Variants in CDKAL1 observed in about 807,000 individuals in gnomAD.
CDKAL1 encodes the protein threonylcarbamoyladenosine tRNA methylthiotransferase.
CDKAL1 carries 32 observed loss-of-function variants against 68.2 expected under a neutral mutation model. The observed-to-expected ratio is 0.47, with a 90% confidence interval of 0.35 to 0.63. CDKAL1 has a LOEUF of 0.63. CDKAL1 is among the 30% of genes least tolerant of loss of function. The pLI is 0.00. For missense variants in CDKAL1, 606 were observed against 696.7 expected, an observed-to-expected ratio of 0.87 and a Z score of 1.47; for synonymous variants, 234 against 244.3, an observed-to-expected ratio of 0.96 and a Z score of 0.39.
intron 9 of CDKAL1, among the ~76,000 whole-genome samples, chr6:20,862,636 TGTGTGTG>T (rs1759694926): frequency 1.1e-4 from 1 of 9,476 alleles, no homozygotes; most frequent in African/African-American, 1.7e-4. Flanking sequence ...CTTTCCAACT[TGTGTGTG>T]TGTGTGTGTG....
intron 12 of CDKAL1, among the ~76,000 whole-genome samples, chr6:21,071,140 T>C (rs960583409): frequency 1.3e-5 from 2 of 152,378 alleles, no homozygotes; most frequent in Admixed American, 6.5e-5. Flanking sequence ...TTTTCCTTTA[T>C]AGTTTTTAAA....
At chr6:21,048,456 A>G (rs1023421753) in intron 11 of CDKAL1, among the ~76,000 whole-genome samples, 8 of 152,142 alleles carry the variant, frequency 5.3e-5, no homozygotes, top group Admixed American at 3.3e-4. Flanking sequence ...TAGTCCATAA[A>G]TATAGCTTCC....
In CDKAL1 at chr6:21,229,778, G is replaced by A. The variant is rs986776017; in HGVS notation, c.1549-1070G>A. Reference sequence around the variant, plus strand: ...GTCCCATGTTATTGGGGGAGGCACCGATTCTGAAGCAGGTACACGAGGTGA... The same window carrying A: ...GTCCCATGTTATTGGGGGAGGCACCAATTCTGAAGCAGGTACACGAGGTGA... On this transcript the variant is annotated intron_variant, in intron 15 of 15. Coordinates refer to ENST00000274695, the MANE Select transcript of CDKAL1 (RefSeq NM_017774.3). 6.6e-5 allele frequency among the ~76,000 whole-genome samples: 10 copies of A among 152,128 alleles called. 1 individual carries two copies. The highest frequency in any genetic ancestry group is 5.2e-4 in the Admixed American group (8 of 15,274).
At chr6:20,910,672 T>C (rs1481311729) in intron 9 of CDKAL1, among the ~76,000 whole-genome samples, 1 of 152,184 alleles carries the variant, frequency 6.6e-6, no homozygotes, top group African/African-American at 2.4e-5. Context: ...CACCCCAAAA[T>C]ACATATTTTG....
chr6:20,709,452 A>G (rs911140294), intron 5 of CDKAL1, among the ~76,000 whole-genome samples: 1 of 151,480 alleles, frequency 6.6e-6, no homozygotes, highest in Non-Finnish European at 1.5e-5. Context: ...TAGGGATGCA[A>G]AAAAAAAATT....
intron 9 of CDKAL1, among the ~76,000 whole-genome samples, chr6:20,942,201 A>G (rs1033259486): frequency 2.0e-5 from 3 of 152,154 alleles, no homozygotes; most frequent in African/African-American, 4.8e-5. Context: ...TTAGCTTATC[A>G]CAATCTACGT....
At chr6:20,854,831 G>A (rs1298571526) in intron 9 of CDKAL1, among the ~76,000 whole-genome samples, 1 of 152,152 alleles carries the variant, frequency 6.6e-6, no homozygotes, top group Non-Finnish European at 1.5e-5. Context: ...ATGCAGTTAA[G>A]TATAAAAGTT....
At chr6:21,220,126 T>C (rs1348889340) in intron 15 of CDKAL1, among the ~76,000 whole-genome samples, 1 of 152,182 alleles carries the variant, frequency 6.6e-6, no homozygotes, top group Non-Finnish European at 1.5e-5. Flanking sequence ...CTATCATGAA[T>C]GTTGGGATTA....
At chr6:20,805,275 GTGAGTTCTTCTAA>G (rs1411882739) in intron 8 of CDKAL1, among the ~76,000 whole-genome samples, 2 of 152,186 alleles carry the variant, frequency 1.3e-5, no homozygotes, top group Non-Finnish European at 2.9e-5. Context: ...TCCTGAGTCT[GTGAGTTCTTCTAA>G]TGAGTCACCG....
In CDKAL1 at chr6:21,230,897, C is replaced by A. The variant is rs1779948175; in HGVS notation, c.1598C>A (p.Ser533Tyr). The change falls in exon 16 of 16, where the codon TCT becomes TAT. Residue 533 changes from serine (S) to tyrosine (Y), a missense_variant. Ser to Tyr is a moderately radical substitution (Grantham distance 144). Coordinates refer to ENST00000274695, the MANE Select transcript of CDKAL1 (RefSeq NM_017774.3). Reference sequence around the variant, plus strand: ...CAGCTGAGTTCAGGATCCCACACCTCTGCTGCATCTCAGTGTGACTCAGCG... The same window carrying A: ...CAGCTGAGTTCAGGATCCCACACCTATGCTGCATCTCAGTGTGACTCAGCG... ...GNQLSSGSHT[S>Y]AASQCDSASS... The A allele has an allele frequency of 3.7e-6, 6 of 1,613,904 alleles. No individual in the cohort carries two copies. The highest frequency in any genetic ancestry group is 5.1e-6 in the Non-Finnish European group (6 of 1,179,818).
At chr6:20,732,263 C>CTTTTTTTTTTTTTTTTTTTTTTTTTTTTT (rs56911987) in intron 5 of CDKAL1, among the ~76,000 whole-genome samples, 3 of 83,488 alleles carry the variant, frequency 3.6e-5, no homozygotes, top group East Asian at 4.2e-4. Context: ...TTCTTTCTTT[C>CTTTTTTTTTTTTTTTTTTTTTTTTTTTTT]TTTTTTTTTT....
At chr6:21,178,994 T>C (rs573620765) in intron 13 of CDKAL1, among the ~76,000 whole-genome samples, 1 of 152,372 alleles carries the variant, frequency 6.6e-6, no homozygotes, top group South Asian at 2.1e-4. Context: ...CTCTAAAATT[T>C]GATGGACAGT....
At chr6:20,940,272 G>A (rs566067769) in intron 9 of CDKAL1, among the ~76,000 whole-genome samples, 3 of 152,202 alleles carry the variant, frequency 2.0e-5, no homozygotes, top group African/African-American at 7.2e-5. Flanking sequence ...TCACTTCACT[G>A]TGAAGAATTT....
intron 4 of CDKAL1, among the ~76,000 whole-genome samples, chr6:20,616,930 C>G (rs549058232): frequency 6.7e-6 from 1 of 148,256 alleles, no homozygotes; most frequent in African/African-American, 2.5e-5. Flanking sequence ...GTTTTAGTTA[C>G]TTTAGAGGCT....
intron 8 of CDKAL1, among the ~76,000 whole-genome samples, chr6:20,786,601 G>A (rs954484540): frequency 8.8e-5 from 13 of 148,060 alleles, no homozygotes; most frequent in East Asian, 6.2e-4. Flanking sequence ...GGGTTCAAGC[G>A]ATTCTCCTGC....
intron 13 of CDKAL1, among the ~76,000 whole-genome samples, chr6:21,175,878 C>T (rs1470536648): frequency 6.6e-6 from 1 of 152,250 alleles, no homozygotes; most frequent in Non-Finnish European, 1.5e-5. Context: ...GCATTTGTAA[C>T]ATTACTTTAT....
intron 9 of CDKAL1, among the ~76,000 whole-genome samples, chr6:20,943,202 A>G (rs946016013): frequency 1.3e-5 from 2 of 151,198 alleles, no homozygotes; most frequent in African/African-American, 4.9e-5. Context: ...TTATGTCTCC[A>G]TTACACTCTG....
intron 6 of CDKAL1, among the ~76,000 whole-genome samples, chr6:20,746,055 T>G (rs1773653038): frequency 6.6e-6 from 1 of 152,234 alleles, no homozygotes; most frequent in Admixed American, 6.5e-5. Flanking sequence ...TTTTTATTGC[T>G]GAAGGGGTTT....
At chr6:20,605,706 C>T (rs1408605904) in intron 4 of CDKAL1, among the ~76,000 whole-genome samples, 2 of 152,142 alleles carry the variant, frequency 1.3e-5, no homozygotes, top group Non-Finnish European at 1.5e-5. Flanking sequence ...GCTACTGAGG[C>T]AAGATCCTTC....
Sources: allele counts gnomAD v4.1 joint callset (sites outside exome capture counted in the v4.1 genomes callset), GRCh38; gene constraint gnomAD v4.1.1; transcripts MANE v1.5; gene names NCBI Gene and HGNC (gene_info 2026-07-23, HGNC 2026-07-21).